Variants in AQP3 observed in about 807,000 individuals in gnomAD.
AQP3 encodes the protein aquaporin-3.
AQP3 carries 15 observed loss-of-function variants against 30.3 expected under a neutral mutation model. That is an observed-to-expected ratio of 0.49 (90% CI 0.33 to 0.76). AQP3 has a LOEUF of 0.76. Among genes scored for constraint, AQP3 ranks in the 30% least tolerant of loss-of-function variants. The pLI is 0.02. For synonymous variants in AQP3, 153 were observed against 163.2 expected (o/e 0.94, Z 0.47); for missense variants, 272 against 384.8 (o/e 0.71, Z 2.45).
At chr9:33,442,682 G>A (rs1444426792) in intron 4 of AQP3, 164 bp from the exon 5 acceptor site, 8 of 1,060,936 alleles carry the variant, frequency 7.5e-6, no homozygotes, top group Admixed American at 1.8e-5. Context: ...AGAACCCGCT[G>A]GAGAGCCGCA....
At chr9:33,447,144 C>G (rs1826924666) in intron 1 of AQP3, among the ~76,000 whole-genome samples, 1 of 152,216 alleles carries the variant, frequency 6.6e-6, no homozygotes, top group Non-Finnish European at 1.5e-5. Context: ...TGCCCCCAGC[C>G]TGTTGGCTGA....
chr9:33,441,741 ACACACAT>A lies in AQP3; in HGVS notation c.*295_*301del. On this transcript the variant is annotated 3_prime_UTR_variant, in exon 6 of 6. Coordinates refer to ENST00000297991, the MANE Select transcript of AQP3 (RefSeq NM_004925.5). ...CACACACACCCCTGCACACACATGC[ACACACAT>A]GCACACACATGCACACACACACATA... is the stretch of plus-strand genomic sequence containing the variant. 1.9e-6 allele frequency: 1 copy of A among 533,052 alleles called. No individual in the cohort carries two copies. The highest frequency in any genetic ancestry group is 3.0e-5 in the East Asian group (1 of 33,684). 33.0% of individuals were successfully genotyped at this position (533,052 alleles called of 1,614,324 possible).
At chr9:33,446,848 C>G (rs1459639700) in intron 1 of AQP3, among the ~76,000 whole-genome samples, 1 of 152,218 alleles carries the variant, frequency 6.6e-6, no homozygotes, top group Non-Finnish European at 1.5e-5. Flanking sequence ...TCCTCCCACC[C>G]TTCTACCGTC....
At position 33,443,719 on chromosome 9, in the gene AQP3, G is replaced by A; in HGVS notation, c.235+47C>T. 3 of 1,612,912 alleles carry A rather than the reference G, an allele frequency of 1.9e-6. No individual in the cohort carries two copies. The highest frequency in any genetic ancestry group is 2.5e-6 in the Non-Finnish European group (3 of 1,179,520). On this transcript the variant is annotated intron_variant, in intron 2 of 5. Transcript: ENST00000297991. This position sits in a 1 kb window ranked among gnomAD's most constrained non-coding sequence, Gnocchi z 5.0. ...CTTAGGAATGCCAGGACACCTAGTG[G>A]GAATGCTATTGAGGGCCAAGGGCTG...
At position 33,443,022 on chromosome 9, in the gene AQP3, C is replaced by T. The variant is rs778080331; in HGVS notation, c.374-52G>A. On this transcript the variant is annotated intron_variant, in intron 3 of 5. Coordinates refer to ENST00000297991, the MANE Select transcript of AQP3 (RefSeq NM_004925.5). The surrounding 1 kb of genome is among the most constrained non-coding windows in gnomAD (Gnocchi z 5.0). Reference sequence around the variant, plus strand: ...GTCGGGGGAGAGGCCTGAGCCCAGACTTCCCTCTCAGGTGTGCCCTCCCCA... The same window carrying T: ...GTCGGGGGAGAGGCCTGAGCCCAGATTTCCCTCTCAGGTGTGCCCTCCCCA... 3.2e-6 allele frequency: 5 copies of T among 1,543,576 alleles called. No individual in the cohort carries two copies. The highest frequency in any genetic ancestry group is 2.2e-5 in the South Asian group (2 of 89,614).
Position 33,443,939 on chromosome 9 carries a change from C to G in AQP3, c.109-47G>C. 1 of 1,601,964 alleles carries G rather than the reference C, an allele frequency of 6.2e-7. No individual in the cohort carries two copies. The highest frequency in any genetic ancestry group is 8.5e-7 in the Non-Finnish European group (1 of 1,173,042). Reference sequence around the variant, plus strand: ...AGGGAGGGTGAGGACCAGCAACTCTCACTCCAGAAGGAAGGGGTGAAGCCA... The same window carrying G: ...AGGGAGGGTGAGGACCAGCAACTCTGACTCCAGAAGGAAGGGGTGAAGCCA... On this transcript the variant is annotated intron_variant, in intron 1 of 5. Coordinates refer to ENST00000297991, the MANE Select transcript of AQP3 (RefSeq NM_004925.5). The surrounding 1 kb of genome is among the most constrained non-coding windows in gnomAD (Gnocchi z 5.0).
In AQP3 at chr9:33,443,147, C is replaced by T. The variant is rs56266335; in HGVS notation, c.373+174G>A. 11 of 1,157,086 alleles carry T rather than the reference C, an allele frequency of 9.5e-6. No individual in the cohort carries two copies. The African/African-American group carries it at 1.5e-4, about 16-fold the overall frequency. The allele number at this position is 1,157,086 out of a possible 1,614,324, so 71.7% of individuals were successfully genotyped here. Reference sequence around the variant, plus strand: ...GGAGGGCCTGAGACTCTGTTATTGCCCAACTTGTTTCTTTCCCTTCGTGCC... The same window carrying T: ...GGAGGGCCTGAGACTCTGTTATTGCTCAACTTGTTTCTTTCCCTTCGTGCC... On this transcript the variant is annotated intron_variant, in intron 3 of 5. Coordinates refer to ENST00000297991, the MANE Select transcript of AQP3 (RefSeq NM_004925.5). The surrounding 1 kb of genome is among the most constrained non-coding windows in gnomAD (Gnocchi z 5.0).
At chr9:33,447,369 T>A in intron 1 of AQP3, 54 bp downstream of exon 1, 1 of 1,446,488 alleles carries the variant, frequency 6.9e-7, no homozygotes, top group Non-Finnish European at 9.5e-7. Flanking sequence ...AAGTGAGAGT[T>A]TGGGGAGTGC....
intron 1 of AQP3, among the ~76,000 whole-genome samples, chr9:33,444,535 T>A (rs1040690888): frequency 6.7e-6 from 1 of 149,600 alleles, no homozygotes; most frequent in African/African-American, 2.5e-5. Flanking sequence ...GGGAGGCAGA[T>A]GTTGCAGTGA....
At position 33,443,204 on chromosome 9, in the gene AQP3, G is replaced by T; in HGVS notation, c.373+117C>A. The T allele has an allele frequency of 1.4e-6, 2 of 1,435,338 alleles. No individual in the cohort carries two copies. Among genetic ancestry groups the T allele is most frequent in the Non-Finnish European group, 1.9e-6 (2 of 1,044,102 alleles). The allele number at this position is 1,435,338 out of a possible 1,614,324, so 88.9% of individuals were successfully genotyped here. ...CTTGACCCTGTGCGTGAATGAGTGA[G>T]TCATGAGCCCGGGGCCTGGGCAGGT... is the stretch of plus-strand genomic sequence containing the variant. On this transcript the variant is annotated intron_variant, in intron 3 of 5. Coordinates refer to ENST00000297991, the MANE Select transcript of AQP3 (RefSeq NM_004925.5). This position sits in a 1 kb window ranked among gnomAD's most constrained non-coding sequence, Gnocchi z 5.0.
intron 1 of AQP3, 74 bp downstream of exon 1, chr9:33,447,349 C>G (rs147575357): frequency 0.013 from 16,844 of 1,330,916 alleles, 141 homozygotes; most frequent in Non-Finnish European, 0.015. Flanking sequence ...AAAACACAGC[C>G]CCTTCGGGGA....
At chr9:33,444,023 A>C in intron 1 of AQP3, 131 bp from the exon 2 acceptor site, 2 of 1,187,604 alleles carry the variant, frequency 1.7e-6, no homozygotes, top group African/African-American at 3.1e-5. Context: ...AACCCAGCCC[A>C]AACCCCTTCT....
chr9:33,446,177 A>C (rs1324916844), intron 1 of AQP3, among the ~76,000 whole-genome samples: 1 of 152,188 alleles, frequency 6.6e-6, no homozygotes, highest in Non-Finnish European at 1.5e-5. Flanking sequence ...CAGGAGAGTG[A>C]TAAAGGCCAC....
At chr9:33,444,089 A>C (rs1826882059) in intron 1 of AQP3, among the ~76,000 whole-genome samples, 197 bp from the exon 2 acceptor site, 1 of 152,114 alleles carries the variant, frequency 6.6e-6, no homozygotes, top group Non-Finnish European at 1.5e-5. Context: ...CACTGTCCCA[A>C]CTCTAATATG....
At chr9:33,444,491 T>G (rs1826887371) in intron 1 of AQP3, among the ~76,000 whole-genome samples, 1 of 151,368 alleles carries the variant, frequency 6.6e-6, no homozygotes, top group South Asian at 2.1e-4. Context: ...TCCCAGCTAC[T>G]CGGGAGGCTG....
In AQP3 at chr9:33,443,187, T is replaced by G; in HGVS notation, c.373+134A>C. 7.4e-7 allele frequency: 1 copy of G among 1,356,554 alleles called. No homozygotes were observed. The highest frequency in any genetic ancestry group is 1.3e-5 in the South Asian group (1 of 77,570). The allele number at this position is 1,356,554 out of a possible 1,614,324, so 84.0% of individuals were successfully genotyped here. A position where few individuals can be genotyped will look rare whatever the true frequency, so the allele number is the denominator to read the frequency against. On this transcript the variant is annotated intron_variant, in intron 3 of 5. Transcript: ENST00000297991. This position sits in a 1 kb window ranked among gnomAD's most constrained non-coding sequence, Gnocchi z 5.0. ...CCCTTCGTGCCCCCTACCTTGACCCTGTGCGTGAATGAGTGAGTCATGAGC... is the reference window on the plus strand; with the variant it reads ...CCCTTCGTGCCCCCTACCTTGACCCGGTGCGTGAATGAGTGAGTCATGAGC...
Position 33,443,834 on chromosome 9 carries a change from A to T in AQP3, c.167T>A (p.Phe56Tyr), listed in dbSNP as rs374961919. The part of the protein sequence containing the change: ...VVLSRGTHGG[F>Y]LTINLAFGFA... ...GCCAAAGGCCAGGTTGATGGTGAGGAAACCACCGTGGGTGCCCCGGCTGAG... is the reference window on the plus strand; with the variant it reads ...GCCAAAGGCCAGGTTGATGGTGAGGTAACCACCGTGGGTGCCCCGGCTGAG... The change falls in exon 2 of 6, where the codon TTC (phenylalanine) becomes TAC (tyrosine). Residue 56 changes from phenylalanine to tyrosine, a missense_variant. Around this residue, in one of 3 missense-constraint regions of AQP3, gnomAD observed 170 missense variants for 286.4 expected, o/e 0.59. Transcript: ENST00000297991. The surrounding 1 kb of genome is among the most constrained non-coding windows in gnomAD (Gnocchi z 5.0). 6 of 1,613,890 alleles carry T rather than the reference A, an allele frequency of 3.7e-6. No homozygotes were observed. The highest frequency in any genetic ancestry group is 1.3e-5 in the African/African-American group (1 of 74,902).
rs530617900 is a variant in AQP3, at chr9:33,443,985, C to T, written c.109-93G>A. ...AGCCAGCAACATGCCCACTCGCCAC[C>T]ACTGGGAGGACTAGAGGCGCTTCCT... On this transcript the variant is annotated intron_variant, in intron 1 of 5. Transcript: ENST00000297991. The surrounding 1 kb of genome is among the most constrained non-coding windows in gnomAD (Gnocchi z 5.0). 1.3e-6 allele frequency: 2 copies of T among 1,503,318 alleles called. No individual in the cohort carries two copies. Among genetic ancestry groups the T allele is most frequent in the African/African-American group, 2.7e-5 (2 of 72,752 alleles). The allele number at this position is 1,503,318 out of a possible 1,614,324, so 93.1% of individuals were successfully genotyped here.
chr9:33,442,637 C>G (rs1826855105), intron 4 of AQP3, 119 bp from the exon 5 acceptor site: 3 of 1,196,494 alleles, frequency 2.5e-6, no homozygotes, highest in Non-Finnish European at 2.4e-6. Flanking sequence ...ATGCTCTTCT[C>G]CTGAAAGCAA....
Sources: gnomAD v4.1 joint callset for allele counts (sites outside exome capture counted in the v4.1 genomes callset) on GRCh38, gnomAD v4.1.1 for gene constraint, gnomAD v4.1.1 regional missense constraint, Gnocchi (gnomAD v3.1) non-coding constraint, MANE v1.5 for transcripts, NCBI Gene and HGNC (gene_info 2026-07-23, HGNC 2026-07-21) for gene names.